Variants in NRAP observed in about 807,000 individuals in gnomAD.
NRAP encodes nebulin related anchoring protein, also known as nebulin-related-anchoring protein.
A neutral mutation model predicts 225.9 loss-of-function variants in NRAP; 189 were observed. The observed-to-expected ratio is 0.84, with a 90% CI of 0.74 to 0.94. NRAP has a LOEUF of 0.94. Among genes scored for constraint, NRAP ranks in the 40% least tolerant of loss-of-function variants. The pLI, the probability that NRAP is intolerant of heterozygous loss-of-function variation, is 0.00. For synonymous variants in NRAP, 769 were observed against 790.7 expected, an observed-to-expected ratio of 0.97 and a Z score of 0.46; for missense variants, 2,176 against 2,168.7, an observed-to-expected ratio of 1.00 and a Z score of -0.07.
At chr10:113,591,451 G>A (rs567368992) in intron 39 of NRAP, among the ~76,000 whole-genome samples, 5 of 152,268 alleles carry the variant, frequency 3.3e-5, no homozygotes, top group South Asian at 2.1e-4. Flanking sequence ...ACCCAACCTG[G>A]CCTTCACCCT....
At position 113,608,427 on chromosome 10, in the gene NRAP, T is replaced by G; in HGVS notation, c.3689A>C (p.Gln1230Pro). 6.2e-7 allele frequency: 1 copy of G among 1,609,330 alleles called. No individual in the cohort carries two copies. Among genetic ancestry groups the G allele is most frequent in the African/African-American group, 1.3e-5 (1 of 74,948 alleles). The change falls in exon 32 of 42, where the codon CAG (glutamine) becomes CCG (proline). Residue 1230 changes from glutamine (Q) to proline (P), a missense_variant. Transcript: ENST00000359988. ...PNLLHAKFSN[Q>P]ITNERLYKAA... Reference sequence around the variant, plus strand: ...AGGAGATTTTACCTCATTCGTTATCTGGTTGCTGAATTTCGCATGAAGGAG... The same window carrying G: ...AGGAGATTTTACCTCATTCGTTATCGGGTTGCTGAATTTCGCATGAAGGAG...
intron 10 of NRAP, among the ~76,000 whole-genome samples, chr10:113,646,305 G>A (rs1478626974): frequency 6.6e-6 from 1 of 152,090 alleles, no homozygotes; most frequent in Non-Finnish European, 1.5e-5. Flanking sequence ...TCCTTCCTCA[G>A]GCAAAGATGG....
intron 9 of NRAP, among the ~76,000 whole-genome samples, chr10:113,648,155 G>T (rs3121485): frequency 0.25 from 38,050 of 152,038 alleles, 5,572 homozygotes; most frequent in Admixed American, 0.35. Context: ...CTCCAAGCCA[G>T]GGGCCTGTCC....
At chr10:113,598,190 A>G (rs1188729268) in intron 35 of NRAP, 117 bp from the exon 36 acceptor site, 5 of 728,822 alleles carry the variant, frequency 6.9e-6, no homozygotes, top group African/African-American at 3.5e-5. Flanking sequence ...CAACATTTCA[A>G]CATCTTCACT....
In NRAP at chr10:113,628,916, C is replaced by A. The variant is rs1441845370; in HGVS notation, c.2145+1G>T. Reference sequence around the variant, plus strand: ...AGGCCAGAGGCCCCAGTGCAGGTTACCTCGCTGACCAGCTGTCCAGCCTTC... The same window carrying A: ...AGGCCAGAGGCCCCAGTGCAGGTTAACTCGCTGACCAGCTGTCCAGCCTTC... On this transcript the variant is annotated splice_donor_variant, in intron 20 of 41. Coordinates refer to ENST00000359988, the MANE Select transcript of NRAP (RefSeq NM_198060.4). LOFTEE classifies it high-confidence loss of function. 3 of 1,591,862 alleles carry A rather than the reference C, an allele frequency of 1.9e-6. No individual in the cohort carries two copies. In the African/African-American group the frequency reaches 4.0e-5, roughly 21 times the overall value.
At chr10:113,660,051 AACACACACAC>A (rs142938392) in intron 3 of NRAP, among the ~76,000 whole-genome samples, 4 of 144,336 alleles carry the variant, frequency 2.8e-5, no homozygotes, top group South Asian at 2.3e-4. Flanking sequence ...CTCAGTAGAC[AACACACACAC>A]ACACACACAC....
intron 4 of NRAP, among the ~76,000 whole-genome samples, chr10:113,655,069 G>A (rs1223013674): frequency 6.6e-6 from 1 of 152,160 alleles, no homozygotes; most frequent in Non-Finnish European, 1.5e-5. Context: ...GATCCAGAAA[G>A]ACAGATTATT....
chr10:113,605,983 C>T, intron 33 of NRAP, 114 bp from the exon 34 acceptor site: 1 of 873,742 alleles, frequency 1.1e-6, no homozygotes, highest in Non-Finnish European at 1.9e-6. Context: ...TTTTGTGCAG[C>T]AAATCTCATT....
rs376628782 is a variant in NRAP, at chr10:113,640,302, A to G, written c.1353T>C (p.Asp451=). ...NVAYKADYKH[D]IVDYNYPATL... ...TGGCTGGGTAGTTGTAGTCGACAAT[A>G]TCATGTTTATAATCAGCTTTGTAGG... Residue 451 remains aspartate (D), a synonymous_variant, in exon 14 of 42, where the codon GAT becomes GAC. Coordinates refer to ENST00000359988, the MANE Select transcript of NRAP (RefSeq NM_198060.4). 26 of 1,599,748 alleles carry G rather than the reference A, an allele frequency of 1.6e-5. No individual in the cohort carries two copies. Among genetic ancestry groups the G allele is most frequent in the Non-Finnish European group, 2.1e-5 (25 of 1,173,236 alleles).
intron 14 of NRAP, among the ~76,000 whole-genome samples, chr10:113,636,303 G>C (rs1262539565): frequency 6.6e-6 from 1 of 152,136 alleles, no homozygotes; most frequent in Non-Finnish European, 1.5e-5. Flanking sequence ...CCCACACCTT[G>C]GCCACTCTTG....
chr10:113,635,677 C>T (rs1564741116), intron 14 of NRAP, among the ~76,000 whole-genome samples: 2 of 152,180 alleles, frequency 1.3e-5, no homozygotes, highest in Admixed American at 6.5e-5. Context: ...ATCCTCCCAC[C>T]TCAGCCTCCT....
At chr10:113,650,608 T>C in intron 7 of NRAP, 63 bp from the exon 8 acceptor site, 1 of 1,118,188 alleles carries the variant, frequency 8.9e-7, no homozygotes, top group Non-Finnish European at 1.4e-6. Context: ...AGTGAGATGC[T>C]CTGCTAAGGG....
chr10:113,657,637 C>A, intron 3 of NRAP, 63 bp from the exon 4 acceptor site: 4 of 958,774 alleles, frequency 4.2e-6, no homozygotes, highest in East Asian at 2.4e-5. Flanking sequence ...CATAGACAAA[C>A]AATTCCTAGC....
At position 113,592,211 on chromosome 10, in the gene NRAP, T is replaced by C; in HGVS notation, c.4627A>G (p.Arg1543Gly). ...AIPFQTARAS[R>G]EIASDFRYKE... The stretch of plus-strand genomic sequence containing the variant: ...GGTCTTACATCACTGGCGATCTCCC[T>C]AGATGCCCGGGCAGTCTGGAAGGGG... The change falls in exon 39 of 42, where the codon AGG (arginine) becomes GGG (glycine). Residue 1543 changes from arginine (R) to glycine (G), a missense_variant. By Grantham distance (125) the Arg-to-Gly change is moderately radical. This residue lies in a region of NRAP where 445 missense variants were observed against 426.1 expected (regional missense o/e 1.04). Coordinates refer to ENST00000359988, the MANE Select transcript of NRAP (RefSeq NM_198060.4). The C allele has an allele frequency of 1.2e-6, 2 of 1,609,506 alleles. No homozygotes were observed. The highest frequency in any genetic ancestry group is 1.7e-6 in the Non-Finnish European group (2 of 1,176,976).
At chr10:113,642,829 T>C in intron 12 of NRAP, 105 bp downstream of exon 12, 2 of 664,460 alleles carry the variant, frequency 3.0e-6, no homozygotes, top group Non-Finnish European at 2.7e-6. Context: ...AGGCCATGCT[T>C]CTCCAAGACA....
Position 113,652,700 on chromosome 10 carries a change from T to C in NRAP, c.570+235A>G, listed in dbSNP as rs1005908273. Among the ~76,000 whole-genome samples, 3 of 152,166 alleles carry C rather than the reference T, an allele frequency of 2.0e-5. No individual in the cohort carries two copies. In the South Asian group the frequency reaches 6.2e-4, roughly 32 times the overall value. ...GCTAAAGCAAACTCAAGAAATCATG[T>C]GGTCCAGACTTTGGGTGAACTATAC... is the stretch of plus-strand genomic sequence containing the variant. On this transcript the variant is annotated intron_variant, in intron 6 of 41. Coordinates refer to ENST00000359988, the MANE Select transcript of NRAP (RefSeq NM_198060.4).
intron 32 of NRAP, among the ~76,000 whole-genome samples, chr10:113,607,792 A>C (rs1456527623): frequency 6.6e-6 from 1 of 152,210 alleles, no homozygotes; most frequent in Admixed American, 6.5e-5. Context: ...TTGAACCTGT[A>C]AGAGAGCCAC....
At position 113,595,394 on chromosome 10, in the gene NRAP, G is replaced by A. The variant is rs544610704; in HGVS notation, c.4536+229C>T. On this transcript the variant is annotated intron_variant, in intron 38 of 41. Transcript: ENST00000359988. ...CAAGTCAGAATTTTAGAGCTGGAAA[G>A]AATCTCAGTTTAGCTCAGCCCATTA... Among the ~76,000 whole-genome samples the A allele has an allele frequency of 2.8e-5, 4 of 144,164 alleles. No individual in the cohort carries two copies. In the South Asian group the frequency reaches 6.8e-4, roughly 24 times the overall value. The allele number at this position is 144,164 out of a possible 152,430, so 94.6% of individuals were successfully genotyped here.
rs1366049098 is a variant in NRAP at position 113,636,081 on chromosome 10, C to A, written c.1429-1871G>T. 2.0e-5 allele frequency among the ~76,000 whole-genome samples: 3 copies of A among 152,374 alleles called. No homozygotes were observed. In the East Asian group the frequency reaches 5.8e-4, roughly 29 times the overall value. ...AAGCGACAGGATCACCACTGAACAC[C>A]TCATTCACAGACTTCATGTCTCTCT... On this transcript the variant is annotated intron_variant, in intron 14 of 41. Transcript: ENST00000359988.
Sources: allele counts gnomAD v4.1 joint callset (sites outside exome capture counted in the v4.1 genomes callset), GRCh38; gene constraint gnomAD v4.1.1; regional missense constraint gnomAD v4.1.1; transcripts MANE v1.5; gene names NCBI Gene and HGNC (gene_info 2026-07-23, HGNC 2026-07-21).